The following SPATA31A6 variants were observed in gnomAD, a reference collection of about 807,000 sequenced individuals.
SPATA31A6 encodes the protein SPATA31 subfamily A member 6, also known as spermatogenesis-associated protein 31A6.
In SPATA31A6, 9 loss-of-function variants were observed where a neutral mutation model predicts 11.9. That is an observed-to-expected ratio of 0.76 (90% CI 0.46 to 1.32). SPATA31A6 has a LOEUF of 1.32. Among genes scored for constraint, SPATA31A6 ranks in the 40% most tolerant of loss-of-function variants. The pLI is 0.00. For missense variants in SPATA31A6, 855 were observed against 1,467.3 expected (o/e 0.58, Z 6.82); for synonymous variants, 314 against 572.1 (o/e 0.55, Z 6.44).
rs1371691535 is a variant in SPATA31A6 at position 42,185,594 on chromosome 9, G to T, written c.248-101G>T. 2.4e-6 allele frequency: 3 copies of T among 1,257,092 alleles called. 1 individual carries two copies. The highest frequency in any genetic ancestry group is 1.3e-5 in the South Asian group (1 of 77,386). The allele number at this position is 1,257,092 out of a possible 1,614,324, so 77.9% of individuals were successfully genotyped here. A position where few individuals can be genotyped will look rare whatever the true frequency, so the allele number is the denominator to read the frequency against. On this transcript the variant is annotated intron_variant, in intron 2 of 3. Transcript: ENST00000332857. Reference sequence around the variant, plus strand: ...TGGACACAGATGGGTGGGGTCCAGGGTCTAATTCCCCATGGTCCTCCCTAA... The same window carrying T: ...TGGACACAGATGGGTGGGGTCCAGGTTCTAATTCCCCATGGTCCTCCCTAA...
At position 42,184,732 on chromosome 9, in the gene SPATA31A6, T is replaced by C. The variant is rs1829413914; in HGVS notation, c.190-337T>C. On this transcript the variant is annotated intron_variant, in intron 1 of 3. Transcript: ENST00000332857. ...TTTTAGTAGAGACGGGGTTTCACCATGGCCAGGCTGGTCTCAAACTCCTGA... is the reference window on the plus strand; with the variant it reads ...TTTTAGTAGAGACGGGGTTTCACCACGGCCAGGCTGGTCTCAAACTCCTGA... 1.5e-5 allele frequency among the ~76,000 whole-genome samples: 2 copies of C among 135,746 alleles called. 1 individual carries two copies. The highest frequency in any genetic ancestry group is 6.0e-5 in the African/African-American group (2 of 33,212). The allele number at this position is 135,746 out of a possible 152,430, so 89.1% of individuals were successfully genotyped here.
In SPATA31A6 at chr9:42,187,159, T is replaced by C. The variant is rs549972614; in HGVS notation, c.1457T>C (p.Leu486Pro). The change falls in exon 4 of 4, where the codon CTG becomes CCG. Residue 486 changes from leucine (L) to proline (P), a missense_variant. Coordinates refer to ENST00000332857, the MANE Select transcript of SPATA31A6 (RefSeq NM_001145196.1). ...TTTATTTCATCCACACCCCAATTCC[T>C]GCCCACACCTATGGCTCAGGCCGAG... ...QPFISSTPQFLPTPMAQAEAQ... is the reference protein window; with the variant it reads ...QPFISSTPQFPPTPMAQAEAQ... The C allele has an allele frequency of 6.5e-7, 1 of 1,542,542 alleles. No individual in the cohort carries two copies. The highest frequency in any genetic ancestry group is 8.8e-7 in the Non-Finnish European group (1 of 1,137,604).
intron 1 of SPATA31A6, among the ~76,000 whole-genome samples, chr9:42,184,477 G>C (rs1466405895): frequency 8.0e-6 from 1 of 125,010 alleles, no homozygotes; most frequent in Non-Finnish European, 1.7e-5. Context: ...GTGTGTGTGT[G>C]TGTGTTATTT....
At chr9:42,184,439 C>G (rs1362938577) in intron 1 of SPATA31A6, among the ~76,000 whole-genome samples, 11 of 102,054 alleles carry the variant, frequency 1.1e-4, no homozygotes, top group African/African-American at 3.5e-4. Flanking sequence ...GAAAATCCCT[C>G]TGTGTGTGTG....
At position 42,186,747 on chromosome 9, in the gene SPATA31A6, T is replaced by C. The variant is rs754287397; in HGVS notation, c.1045T>C (p.Ser349Pro). ...TTGGGAAGAAAAAGAAAATGTTGGATCATTTACAAATCAAATGACCCCAGA... is the reference window on the plus strand; with the variant it reads ...TTGGGAAGAAAAAGAAAATGTTGGACCATTTACAAATCAAATGACCCCAGA... ...NIWEEKENVG[S>P]FTNQMTPEKH... Residue 349 changes from serine (S) to proline (P), a missense_variant, in exon 4 of 4, where the codon TCA (serine) becomes CCA (proline). Physicochemically the swap from Ser to Pro is moderately conservative, Grantham distance 74 (BLOSUM62 -1). Transcript: ENST00000332857. 6.5e-7 allele frequency: 1 copy of C among 1,529,148 alleles called. No individual in the cohort carries two copies. Among genetic ancestry groups the C allele is most frequent in the Non-Finnish European group, 8.8e-7 (1 of 1,138,006 alleles). The allele number at this position is 1,529,148 out of a possible 1,614,324, so 94.7% of individuals were successfully genotyped here. A position where few individuals can be genotyped will look rare whatever the true frequency, so the allele number is the denominator to read the frequency against.
Position 42,185,479 on chromosome 9 carries a change from G to A in SPATA31A6, c.248-216G>A, listed in dbSNP as rs1256236479. On this transcript the variant is annotated intron_variant, in intron 2 of 3. Transcript: ENST00000332857. ...CCCACAGGGCAGTTGTGAGGACTGT[G>A]GGGGTGGGGGGTCCGTGTGTGGAAG... 9 of 804,232 alleles carry A rather than the reference G, an allele frequency of 1.1e-5. No individual in the cohort carries two copies. In the African/African-American group the frequency reaches 1.6e-4, roughly 14 times the overall value. 49.8% of individuals were successfully genotyped at this position (804,232 alleles called of 1,614,324 possible).
At chr9:42,184,726 T>G (rs1447827399) in intron 1 of SPATA31A6, among the ~76,000 whole-genome samples, 1 of 135,628 alleles carries the variant, frequency 7.4e-6, no homozygotes, top group East Asian at 2.2e-4. Flanking sequence ...AGACGGGGTT[T>G]CACCATGGCC....
In SPATA31A6 at chr9:42,189,344, C is replaced by G; in HGVS notation, c.3642C>G (p.Asp1214Glu). 3 of 1,542,228 alleles carry G rather than the reference C, an allele frequency of 1.9e-6. No individual in the cohort carries two copies. The highest frequency in any genetic ancestry group is 2.6e-6 in the Non-Finnish European group (3 of 1,137,248). ...GLMTAVGQML[D>E]KKMSLCHAHH... ...TGACGGCAGTTGGACAAATGCTGGA[C>G]AAGAAAATGTCACTTTGCCATGCGC... The change falls in exon 4 of 4, where the codon GAC (aspartate) becomes GAG (glutamate). Residue 1214 changes from aspartate to glutamate, a missense_variant. By Grantham distance (45) the Asp-to-Glu change is conservative (BLOSUM62 2). Coordinates refer to ENST00000332857, the MANE Select transcript of SPATA31A6 (RefSeq NM_001145196.1).
rs755776647 is a variant in SPATA31A6, at chr9:42,187,317, C to T, written c.1615C>T (p.Pro539Ser). 1 of 1,539,992 alleles carries T rather than the reference C, an allele frequency of 6.5e-7. No individual in the cohort carries two copies. The highest frequency in any genetic ancestry group is 8.8e-7 in the Non-Finnish European group (1 of 1,137,482). ...TCTCTCCCTACCTGAAACTCAGCAC[C>T]CTGAATGGCCTTTGTTGAGGAAACA... ...QALSLPETQH[P>S]EWPLLRKQLE... The change falls in exon 4 of 4, where the codon CCT becomes TCT. Residue 539 changes from proline (P) to serine (S), a missense_variant. Coordinates refer to ENST00000332857, the MANE Select transcript of SPATA31A6 (RefSeq NM_001145196.1).
Position 42,189,841 on chromosome 9 carries a change from T to C in SPATA31A6, c.*107T>C. The C allele has an allele frequency of 8.9e-7, 1 of 1,123,628 alleles. No individual in the cohort carries two copies. The allele number at this position is 1,123,628 out of a possible 1,614,324, so 69.6% of individuals were successfully genotyped here. On this transcript the variant is annotated 3_prime_UTR_variant, in exon 4 of 4. Coordinates refer to ENST00000332857, the MANE Select transcript of SPATA31A6 (RefSeq NM_001145196.1). Reference sequence around the variant, plus strand: ...AAATATTTTCTCTCATGTTAGTAAATGCAGAACATTTAATATTCCACAATA... The same window carrying C: ...AAATATTTTCTCTCATGTTAGTAAACGCAGAACATTTAATATTCCACAATA...
rs577056230 is a variant in SPATA31A6 at position 42,183,937 on chromosome 9, T to C, written c.189+61T>C. ...TTCTCTCCTTTCTTTTTATTATTAGTTCCACTTTTCCAAATCCAGTGGAGA... is the reference window on the plus strand; with the variant it reads ...TTCTCTCCTTTCTTTTTATTATTAGCTCCACTTTTCCAAATCCAGTGGAGA... On this transcript the variant is annotated intron_variant, in intron 1 of 3. Coordinates refer to ENST00000332857, the MANE Select transcript of SPATA31A6 (RefSeq NM_001145196.1). 3.3e-4 allele frequency: 500 copies of C among 1,521,222 alleles called. 35 individuals carry two copies. The African/African-American group carries it at 7.1e-3, about 22-fold the overall frequency. 94.2% of individuals were successfully genotyped at this position (1,521,222 alleles called of 1,614,324 possible).
rs1829447874 is a variant in SPATA31A6, at chr9:42,186,293, AC to A, written c.594del (p.Glu199SerfsTer36). On this transcript the variant is annotated frameshift_variant, in exon 4 of 4. Coordinates refer to ENST00000332857, the MANE Select transcript of SPATA31A6 (RefSeq NM_001145196.1). LOFTEE classifies it low-confidence loss of function (END_TRUNC). The stretch of plus-strand genomic sequence containing the variant: ...CTTCCCTTCCCCTAGAACACCCCTC[AC>A]CCGAGCCACCTGCACTTTTCCCTCA... ...EPSLPLEHPSPEPPALFPHPP... is the reference protein window; with the variant it reads ...EPSLPLEHPSXEPPALFPHPP... 2.1e-6 allele frequency: 2 copies of A among 962,446 alleles called. No homozygotes were observed. The highest frequency in any genetic ancestry group is 5.6e-5 in the African/African-American group (2 of 35,532). 59.6% of individuals were successfully genotyped at this position (962,446 alleles called of 1,614,324 possible).
intron 3 of SPATA31A6, 115 bp downstream of exon 3, chr9:42,185,870 A>G (rs1445332906): frequency 7.1e-7 from 1 of 1,401,234 alleles, no homozygotes; most frequent in Non-Finnish European, 9.6e-7. Flanking sequence ...AGAGGATGGG[A>G]GTAAAACCCT....
Position 42,183,731 on chromosome 9 carries a change from C to T in SPATA31A6, c.44C>T (p.Ser15Leu), listed in dbSNP as rs776316713. 1.0e-4 allele frequency: 157 copies of T among 1,534,690 alleles called. 26 individuals are homozygous for T. The East Asian group carries it at 2.1e-3, about 21-fold the overall frequency. The change falls in exon 1 of 4, where the codon TCG becomes TTG. Residue 15 changes from serine (S) to leucine (L), a missense_variant. Transcript: ENST00000332857. ...PFPLKLLSASSLNAPSSTPWV... is the reference protein window; with the variant it reads ...PFPLKLLSASLLNAPSSTPWV... ...CCTTTAAAATTACTTAGTGCCTCAT[C>T]GCTAAACGCCCCCAGCTCCACACCA...
chr9:42,184,998 C>T, intron 1 of SPATA31A6, 71 bp from the exon 2 acceptor site: 2 of 1,439,208 alleles, frequency 1.4e-6, no homozygotes, highest in Non-Finnish European at 9.5e-7. Flanking sequence ...AGCTTCTCGC[C>T]CTTTCTTGTC....
rs531840400 is a variant in SPATA31A6, at chr9:42,187,181, C to A, written c.1479C>A (p.Ala493=). ...TCCTGCCCACACCTATGGCTCAGGC[C>A]GAGGCTCAGGCCCATCTTCAGTCTT... is the stretch of plus-strand genomic sequence containing the variant. ...PQFLPTPMAQ[A]EAQAHLQSSF... Residue 493 remains alanine, a synonymous_variant, in exon 4 of 4, where the codon GCC becomes GCA. Coordinates refer to ENST00000332857, the MANE Select transcript of SPATA31A6 (RefSeq NM_001145196.1). 7.8e-6 allele frequency: 12 copies of A among 1,542,988 alleles called. No homozygotes were observed. The highest frequency in any genetic ancestry group is 2.3e-4 in the Middle Eastern group (1 of 4,324).
At position 42,183,830 on chromosome 9, in the gene SPATA31A6, A is replaced by T; in HGVS notation, c.143A>T (p.Tyr48Phe). The part of the protein sequence containing the change: ...FFFLLLPYLS[Y>F]FHCDDPPSPS... ...TTCCTATTACTCCCCTACTTATCTT[A>T]CTTCCATTGTGATGACCCACCCTCA... The change falls in exon 1 of 4, where the codon TAC (tyrosine) becomes TTC (phenylalanine). Residue 48 changes from tyrosine (Y) to phenylalanine (F), a missense_variant. Coordinates refer to ENST00000332857, the MANE Select transcript of SPATA31A6 (RefSeq NM_001145196.1). 6.5e-7 allele frequency: 1 copy of T among 1,532,244 alleles called. No homozygotes were observed. The highest frequency in any genetic ancestry group is 1.2e-5 in the South Asian group (1 of 86,594). 94.9% of individuals were successfully genotyped at this position (1,532,244 alleles called of 1,614,324 possible).
chr9:42,186,953 G>T lies in SPATA31A6; in HGVS notation c.1251G>T (p.Trp417Cys). The T allele has an allele frequency of 6.5e-7, 1 of 1,543,250 alleles. No individual in the cohort carries two copies. The highest frequency in any genetic ancestry group is 2.3e-4 in the Middle Eastern group (1 of 4,376). The change falls in exon 4 of 4, where the codon TGG becomes TGT. Residue 417 changes from tryptophan (W) to cysteine (C), a missense_variant. Physicochemically the swap from Trp to Cys is radical, Grantham distance 215. Transcript: ENST00000332857. ...SFWKNYSQLF[W>C]GLPSLHSESL... ...GGAAGAATTATAGCCAGCTTTTCTGGGGCCTCCCCTCTCTGCACAGCGAGT... is the reference window on the plus strand; with the variant it reads ...GGAAGAATTATAGCCAGCTTTTCTGTGGCCTCCCCTCTCTGCACAGCGAGT...
In SPATA31A6 at chr9:42,187,373, G is replaced by A. The variant is rs765689392; in HGVS notation, c.1671G>A (p.Arg557=). 1.3e-6 allele frequency: 2 copies of A among 1,534,270 alleles called. No individual in the cohort carries two copies. The highest frequency in any genetic ancestry group is 1.2e-5 in the South Asian group (1 of 85,968). The change falls in exon 4 of 4, where the codon AGG becomes AGA. Residue 557 remains arginine, a synonymous_variant. Transcript: ENST00000332857. ...QLEGRLALPS[R]VQKSQDVFSV... Reference sequence around the variant, plus strand: ...AAGGTAGGTTGGCTTTACCCTCTAGGGTCCAAAAATCTCAGGACGTCTTTA... The same window carrying A: ...AAGGTAGGTTGGCTTTACCCTCTAGAGTCCAAAAATCTCAGGACGTCTTTA...
Sources: gnomAD v4.1 joint callset for allele counts (sites outside exome capture counted in the v4.1 genomes callset) on GRCh38, gnomAD v4.1.1 for gene constraint, MANE v1.5 for transcripts, NCBI Gene and HGNC (gene_info 2026-07-23, HGNC 2026-07-21) for gene names.